The following DLG2 variants were observed in gnomAD, a reference collection of about 807,000 sequenced individuals.
The protein encoded by DLG2 is discs large MAGUK scaffold protein 2.
In DLG2, 45 loss-of-function variants were observed where a neutral mutation model predicts 132.5. The ratio of observed to expected loss-of-function variants is 0.34; its 90% CI spans 0.27 to 0.44. DLG2 has a LOEUF of 0.44. Among genes scored for constraint, DLG2 ranks in the 20% least tolerant of loss-of-function variants. The probability of loss-of-function intolerance (pLI) is 1.00; values close to 1 mark genes in which losing one functional copy is unlikely to be tolerated. For missense variants in DLG2, 1,045 were observed against 1,196.9 expected, an observed-to-expected ratio of 0.87 and a Z score of 1.87; for synonymous variants, 424 against 419.6, an observed-to-expected ratio of 1.01 and a Z score of -0.13.
At chr11:83,486,401 G>A (rs2093510235) in intron 21 of DLG2, 1 of 560,096 alleles carries the variant, frequency 1.8e-6, no homozygotes, top group East Asian at 3.0e-5. Context: ...AATGCCAAGA[G>A]GAGTAAAGCC....
intron 18 of DLG2, among the ~76,000 whole-genome samples, chr11:83,641,532 A>G (rs2066503337): frequency 6.6e-6 from 1 of 152,156 alleles, no homozygotes; most frequent in South Asian, 2.1e-4. Flanking sequence ...TTTAGGCTTT[A>G]GAGGTACACT....
rs1592321144 is a variant in DLG2 at position 84,991,623 on chromosome 11, G to C, written c.357+120038C>G. 1.3e-5 allele frequency among the ~76,000 whole-genome samples: 2 copies of C among 151,956 alleles called. 1 individual carries two copies. The highest frequency in any genetic ancestry group is 4.1e-4 in the South Asian group (2 of 4,824). ...GAGGAAAGTGGGTATTGCTATAAAA[G>C]GACAACATGACTGAGATCATTTAGG... On this transcript the variant is annotated intron_variant, in intron 6 of 27. Coordinates refer to ENST00000376104, the MANE Select transcript of DLG2 (RefSeq NM_001142699.3).
At chr11:84,637,511 G>T (rs2099642803) in intron 6 of DLG2, among the ~76,000 whole-genome samples, 1 of 152,212 alleles carries the variant, frequency 6.6e-6, no homozygotes, top group South Asian at 2.1e-4. Flanking sequence ...GAATTGAATT[G>T]TCATGGACCT....
At chr11:83,728,095 C>T (rs534111550) in intron 18 of DLG2, among the ~76,000 whole-genome samples, 1 of 152,292 alleles carries the variant, frequency 6.6e-6, no homozygotes, top group South Asian at 2.1e-4. Flanking sequence ...TGTCTCTCTA[C>T]TCTGTATGTC....
At chr11:85,412,204 A>G (rs1318288498) in intron 3 of DLG2, among the ~76,000 whole-genome samples, 1 of 151,864 alleles carries the variant, frequency 6.6e-6, no homozygotes, top group Non-Finnish European at 1.5e-5. Flanking sequence ...ATTTTTGTTC[A>G]ATAGCTGGCA....
chr11:85,399,077 CAA>C (rs1281629346), intron 3 of DLG2, among the ~76,000 whole-genome samples: 2 of 152,144 alleles, frequency 1.3e-5, no homozygotes, highest in African/African-American at 4.8e-5. Flanking sequence ...GCAACTTCAG[CAA>C]AGTCTCAGGA....
chr11:84,040,012 T>G (rs1474989126), intron 11 of DLG2, among the ~76,000 whole-genome samples: 1 of 151,450 alleles, frequency 6.6e-6, no homozygotes, highest in Non-Finnish European at 1.5e-5. Context: ...GCTGCATAAA[T>G]GTCTTCTTTT....
rs186523324 is a variant in DLG2 at position 85,323,048 on chromosome 11, T to C, written c.41-37683A>G. Among the ~76,000 whole-genome samples, 822 of 152,350 alleles carry C rather than the reference T, an allele frequency of 5.4e-3. 3 individuals carry two copies. The highest frequency in any genetic ancestry group is 8.2e-3 in the Non-Finnish European group (559 of 68,018). ...TAAAATAAAGTAAAACAATTCTTAA[T>C]ATGGCCTGCAAGGCCCCCAATAATC... On this transcript the variant is annotated intron_variant, in intron 3 of 27. Transcript: ENST00000376104.
At chr11:85,320,648 A>G (rs1428369535) in intron 3 of DLG2, among the ~76,000 whole-genome samples, 1 of 152,032 alleles carries the variant, frequency 6.6e-6, no homozygotes, top group Non-Finnish European at 1.5e-5. Context: ...AGATTACTTT[A>G]TATCAAATAG....
At chr11:84,249,732 T>C (rs1174352436) in intron 8 of DLG2, among the ~76,000 whole-genome samples, 1 of 152,210 alleles carries the variant, frequency 6.6e-6, no homozygotes, top group Non-Finnish European at 1.5e-5. Flanking sequence ...TTTGTTTGCT[T>C]CTACAGAGCC....
intron 7 of DLG2, among the ~76,000 whole-genome samples, chr11:84,333,237 A>G (rs2098469100): frequency 6.6e-6 from 1 of 152,236 alleles, no homozygotes; most frequent in Non-Finnish European, 1.5e-5. Flanking sequence ...CACCAAACAA[A>G]GAGAAATGTT....
chr11:85,405,179 C>T (rs965019189), intron 3 of DLG2, among the ~76,000 whole-genome samples: 1 of 151,766 alleles, frequency 6.6e-6, no homozygotes, highest in Non-Finnish European at 1.5e-5. Context: ...CCCAGCTCTG[C>T]CCCTTGCATG....
chr11:84,830,771 CA>C (rs2078934072), intron 6 of DLG2, among the ~76,000 whole-genome samples: 1 of 151,410 alleles, frequency 6.6e-6, no homozygotes, highest in African/African-American at 2.4e-5. Flanking sequence ...GAAAACCAAC[CA>C]AATTTAATCT....
chr11:84,125,038 C>T (rs1379021468), intron 9 of DLG2, among the ~76,000 whole-genome samples: 7 of 151,738 alleles, frequency 4.6e-5, no homozygotes, highest in African/African-American at 7.3e-5. Context: ...TCAGTAGAGA[C>T]GGAGTTTCTC....
chr11:84,848,252 G>T (rs1480037964), intron 6 of DLG2, among the ~76,000 whole-genome samples: 1 of 152,106 alleles, frequency 6.6e-6, no homozygotes, highest in African/African-American at 2.4e-5. Context: ...CCAGCACTTT[G>T]GGAGGCTGAG....
intron 7 of DLG2, among the ~76,000 whole-genome samples, chr11:84,508,170 T>C (rs2099247090): frequency 6.6e-6 from 1 of 152,224 alleles, no homozygotes; most frequent in Non-Finnish European, 1.5e-5. Context: ...CTGCCTGCTC[T>C]ACCTATTTTA....
intron 3 of DLG2, among the ~76,000 whole-genome samples, chr11:85,430,110 A>C (rs987592351): frequency 6.6e-6 from 1 of 150,918 alleles, no homozygotes; most frequent in African/African-American, 2.5e-5. Flanking sequence ...TCGCAAGGAC[A>C]AAAAAACCAA....
At chr11:85,378,553 T>G (rs918524228) in intron 3 of DLG2, among the ~76,000 whole-genome samples, 11 of 152,104 alleles carry the variant, frequency 7.2e-5, no homozygotes, top group Admixed American at 6.5e-5. Context: ...CCTTAGCTGT[T>G]AAATATATAT....
At position 84,086,236 on chromosome 11, in the gene DLG2, A is replaced by C. The variant is rs144433611; in HGVS notation, c.749+12687T>G. Among the ~76,000 whole-genome samples, 33 of 152,306 alleles carry C rather than the reference A, an allele frequency of 2.2e-4. No homozygotes were observed. In the East Asian group the frequency reaches 5.0e-3, roughly 23 times the overall value. On this transcript the variant is annotated intron_variant, in intron 10 of 27. Transcript: ENST00000376104. The stretch of plus-strand genomic sequence containing the variant: ...AAATTGTATCTTTAAATGAACAACA[A>C]TATGAAGAAGTTGTGAGCTTTCTGA...
Sources: gnomAD v4.1 joint callset for allele counts (sites outside exome capture counted in the v4.1 genomes callset) on GRCh38, gnomAD v4.1.1 for gene constraint, MANE v1.5 for transcripts, NCBI Gene and HGNC (gene_info 2026-07-23, HGNC 2026-07-21) for gene names.